The following ASPH variants were observed in gnomAD, a reference collection of about 807,000 sequenced individuals.
ASPH encodes the protein aspartate beta-hydroxylase.
In ASPH, 100 loss-of-function variants were observed where a neutral mutation model predicts 118.4. The ratio of observed to expected loss-of-function variants is 0.84; its 90% CI spans 0.72 to 1.00. The LOEUF (loss-of-function observed/expected upper bound fraction) is 1.00. ASPH is among the 50% of genes least tolerant of loss of function. ASPH has a pLI of 0.00. For missense variants in ASPH, 920 were observed against 919.5 expected (o/e 1.00, Z -0.01); for synonymous variants, 315 against 325.6 (o/e 0.97, Z 0.35).
chr8:61,673,108 G>A (rs1823431874), intron 3 of ASPH, among the ~76,000 whole-genome samples: 1 of 152,168 alleles, frequency 6.6e-6, no homozygotes, highest in South Asian at 2.1e-4. Flanking sequence ...CCTCTTTCAT[G>A]TCTGGATACA....
In ASPH at chr8:61,557,868, G is replaced by T. The variant is rs78095840; in HGVS notation, c.1438-1846C>A. Among the ~76,000 whole-genome samples the T allele has an allele frequency of 6.5e-3, 988 of 152,296 alleles. 9 individuals carry two copies. The highest frequency in any genetic ancestry group is 7.8e-3 in the Non-Finnish European group (528 of 68,044). ...GAGCTCAATAAATACCTCTGGCATTGAACTAAATTGACACAGATGATGATT... is the reference window on the plus strand; with the variant it reads ...GAGCTCAATAAATACCTCTGGCATTTAACTAAATTGACACAGATGATGATT... On this transcript the variant is annotated intron_variant, in intron 18 of 24. Coordinates refer to ENST00000379454, the MANE Select transcript of ASPH (RefSeq NM_004318.4).
At chr8:61,565,048 G>T (rs994850046) in intron 17 of ASPH, among the ~76,000 whole-genome samples, 1 of 152,178 alleles carries the variant, frequency 6.6e-6, no homozygotes, top group African/African-American at 2.4e-5. Flanking sequence ...AGTCTTACTT[G>T]CCTTTGGTAC....
chr8:61,656,283 A>T (rs1392281210), intron 3 of ASPH: 1 of 152,114 alleles, frequency 6.6e-6, no homozygotes, highest in Non-Finnish European at 1.5e-5. Context: ...GTTGGGTAGG[A>T]AGGAAATTTA....
chr8:61,512,866 G>T (rs1303107587), intron 24 of ASPH, among the ~76,000 whole-genome samples: 1 of 152,140 alleles, frequency 6.6e-6, no homozygotes, highest in East Asian at 1.9e-4. Flanking sequence ...CCTGGCAATA[G>T]CTCTGGGTAT....
At chr8:61,712,551 G>A (rs886996039) in intron 1 of ASPH, among the ~76,000 whole-genome samples, 12 of 152,118 alleles carry the variant, frequency 7.9e-5, no homozygotes, top group Non-Finnish European at 1.6e-4. Context: ...TCTGTTTCAT[G>A]ACTATTAGAG....
intron 1 of ASPH, chr8:61,689,941 A>C: frequency 1.0e-6 from 1 of 968,684 alleles, no homozygotes; most frequent in Non-Finnish European, 1.3e-6. Context: ...CCCTAACAAC[A>C]CCACAGCCTT....
intron 3 of ASPH, among the ~76,000 whole-genome samples, chr8:61,679,900 A>G (rs1827124507): frequency 6.6e-6 from 1 of 150,954 alleles, no homozygotes; most frequent in African/African-American, 2.4e-5. Context: ...AAATTTCATA[A>G]TAAGTTTCAA....
chr8:61,570,595 G>A (rs1050314282), intron 16 of ASPH, among the ~76,000 whole-genome samples: 1 of 152,150 alleles, frequency 6.6e-6, no homozygotes, highest in East Asian at 1.9e-4. Flanking sequence ...TTTACAACTT[G>A]CAGAATTGGA....
At chr8:61,698,566 A>G (rs569925766) in intron 1 of ASPH, among the ~76,000 whole-genome samples, 9 of 152,344 alleles carry the variant, frequency 5.9e-5, no homozygotes, top group Non-Finnish European at 1.2e-4. Flanking sequence ...GACTGATTAC[A>G]TCAATGGTCA....
chr8:61,550,980 C>T (rs1215036658), intron 20 of ASPH, among the ~76,000 whole-genome samples: 2 of 152,138 alleles, frequency 1.3e-5, no homozygotes, highest in Non-Finnish European at 2.9e-5. Flanking sequence ...ACGGGAATAT[C>T]ATTGAATGAG....
At chr8:61,602,659 G>A (rs1844375511) in intron 14 of ASPH, among the ~76,000 whole-genome samples, 1 of 151,192 alleles carries the variant, frequency 6.6e-6, no homozygotes, top group Non-Finnish European at 1.5e-5. Flanking sequence ...GGCTGCCTGG[G>A]GTTGGGGAGG....
chr8:61,623,344 G>A (rs1381290883), intron 13 of ASPH, among the ~76,000 whole-genome samples: 2 of 152,144 alleles, frequency 1.3e-5, no homozygotes, highest in Non-Finnish European at 2.9e-5. Context: ...CCATTTTTAT[G>A]TCTTCTTTTG....
At chr8:61,596,410 G>A (rs921082303) in intron 14 of ASPH, among the ~76,000 whole-genome samples, 1 of 152,206 alleles carries the variant, frequency 6.6e-6, no homozygotes, top group Non-Finnish European at 1.5e-5. Flanking sequence ...GGACCTGCCT[G>A]CCCACTGCAG....
chr8:61,558,378 A>G lies in ASPH; in HGVS notation c.1438-2356T>C, dbSNP rs747287778. 7.2e-5 allele frequency among the ~76,000 whole-genome samples: 11 copies of G among 152,358 alleles called. No homozygotes were observed. The South Asian group carries it at 1.5e-3, about 20-fold the overall frequency. ...AGTGGGCCAGGAAAAGCAAAAGAGA[A>G]TGTTGTTAAATTATGAACAAAAGGT... On this transcript the variant is annotated intron_variant, in intron 18 of 24. Transcript: ENST00000379454.
chr8:61,684,348 C>T (rs1829560697), intron 1 of ASPH, 160 bp from the exon 2 acceptor site: 1 of 768,420 alleles, frequency 1.3e-6, no homozygotes, highest in African/African-American at 1.8e-5. Context: ...CAAAATATTT[C>T]TGAAAACAGA....
At chr8:61,533,126 T>C (rs1818211447) in intron 21 of ASPH, among the ~76,000 whole-genome samples, 1 of 151,646 alleles carries the variant, frequency 6.6e-6, no homozygotes, top group Non-Finnish European at 1.5e-5. Context: ...TTGCCTATTC[T>C]CCCTGGAACT....
intron 16 of ASPH, among the ~76,000 whole-genome samples, chr8:61,572,020 T>C (rs895594351): frequency 2.0e-5 from 3 of 152,208 alleles, no homozygotes; most frequent in African/African-American, 7.2e-5. Flanking sequence ...AGGAATTTAT[T>C]TGAATCAATT....
At chr8:61,654,431 C>T (rs907404954) in intron 3 of ASPH, among the ~76,000 whole-genome samples, 8 of 151,862 alleles carry the variant, frequency 5.3e-5, no homozygotes, top group African/African-American at 1.7e-4. Context: ...GTTTGCTGAT[C>T]CTGGACTCCT....
At chr8:61,635,086 C>G (rs1194166078) in intron 12 of ASPH, among the ~76,000 whole-genome samples, 2 of 152,142 alleles carry the variant, frequency 1.3e-5, no homozygotes, top group Non-Finnish European at 2.9e-5. Context: ...GTATGGCTTT[C>G]TCTTCCCCTA....
Sources: allele counts gnomAD v4.1 joint callset (sites outside exome capture counted in the v4.1 genomes callset), GRCh38; gene constraint gnomAD v4.1.1; transcripts MANE v1.5; gene names NCBI Gene and HGNC (gene_info 2026-07-23, HGNC 2026-07-21).